The following PDCD10 variants were observed in gnomAD, a reference collection of about 807,000 sequenced individuals.
PDCD10 encodes programmed cell death protein 10.
A neutral mutation model predicts 29.2 loss-of-function variants in PDCD10; 4 were observed. The ratio of observed to expected loss-of-function variants is 0.14; its 90% CI spans 0.07 to 0.31. PDCD10 has a LOEUF of 0.31. PDCD10 is among the 10% of genes least tolerant of loss of function. The pLI is 1.00. For missense variants in PDCD10, 183 were observed against 257.9 expected, an observed-to-expected ratio of 0.71 and a Z score of 1.99; for synonymous variants, 70 against 82.2, an observed-to-expected ratio of 0.85 and a Z score of 0.80.
At chr3:167,691,919 G>C (rs1208051226) in intron 6 of PDCD10, among the ~76,000 whole-genome samples, 1 of 152,096 alleles carries the variant, frequency 6.6e-6, no homozygotes, top group Non-Finnish European at 1.5e-5. Context: ...GGGTTGTTGT[G>C]ATAAGTAAAT....
intron 3 of PDCD10, among the ~76,000 whole-genome samples, chr3:167,719,102 A>G (rs1177458092): frequency 4.6e-5 from 7 of 152,118 alleles, no homozygotes; most frequent in Non-Finnish European, 2.9e-5. Context: ...AAATCCAATA[A>G]TGTGGAAAAA....
chr3:167,719,007 A>C (rs941206607), intron 3 of PDCD10, among the ~76,000 whole-genome samples: 5 of 152,090 alleles, frequency 3.3e-5, no homozygotes, highest in African/African-American at 1.2e-4. Flanking sequence ...TTGGCAACTA[A>C]ATCTGTGGCT....
At chr3:167,718,505 G>C (rs1401089533) in intron 3 of PDCD10, among the ~76,000 whole-genome samples, 2 of 151,996 alleles carry the variant, frequency 1.3e-5, no homozygotes, top group African/African-American at 4.8e-5. Flanking sequence ...TTTAACAGGA[G>C]GTTTTTCAAA....
intron 4 of PDCD10, chr3:167,698,044 C>T (rs992339427): frequency 1.1e-5 from 5 of 455,052 alleles, no homozygotes; most frequent in African/African-American, 1.0e-4. Context: ...CTTTTTGTTT[C>T]CTTATGTGTC....
At chr3:167,713,494 A>G (rs962427481) in intron 3 of PDCD10, among the ~76,000 whole-genome samples, 1 of 151,820 alleles carries the variant, frequency 6.6e-6, no homozygotes, top group Non-Finnish European at 1.5e-5. Context: ...AATTCAAATA[A>G]CACACATCTT....
chr3:167,706,640 C>G (rs1722001756), intron 3 of PDCD10, among the ~76,000 whole-genome samples: 1 of 152,202 alleles, frequency 6.6e-6, no homozygotes, highest in African/African-American at 2.4e-5. Context: ...TATGGGACAA[C>G]CATCATATAT....
intron 2 of PDCD10, among the ~76,000 whole-genome samples, chr3:167,729,923 A>G (rs1052881034): frequency 3.9e-5 from 6 of 152,130 alleles, no homozygotes; most frequent in African/African-American, 1.4e-4. Context: ...TTTTAACCCT[A>G]TAGGCAACCT....
rs141502527 is a variant in PDCD10 at position 167,689,495 on chromosome 3, C to T, written c.396-1802G>A. ...TTCCGGGGCTAGTCATCAAAATGAG[C>T]GTATGTTTCATATACAATAACAGTG... On this transcript the variant is annotated intron_variant, in intron 6 of 8. Transcript: ENST00000392750. Among the ~76,000 whole-genome samples, 5 of 152,138 alleles carry T rather than the reference C, an allele frequency of 3.3e-5. No homozygotes were observed. The East Asian group carries it at 7.7e-4, about 24-fold the overall frequency.
chr3:167,692,714 C>A (rs903651255), intron 6 of PDCD10, among the ~76,000 whole-genome samples: 1 of 152,144 alleles, frequency 6.6e-6, no homozygotes, highest in South Asian at 2.1e-4. Flanking sequence ...GTCAAGAGAT[C>A]GAGACCATCC....
chr3:167,732,534 C>G (rs149164819), intron 2 of PDCD10, among the ~76,000 whole-genome samples: 258 of 151,114 alleles, frequency 1.7e-3, no homozygotes, highest in Middle Eastern at 3.4e-3. Flanking sequence ...CAGCATGTGA[C>G]TGAAAGATGA....
chr3:167,724,843 T>A (rs1723928601), intron 2 of PDCD10, among the ~76,000 whole-genome samples: 1 of 152,236 alleles, frequency 6.6e-6, no homozygotes, highest in South Asian at 2.1e-4. Flanking sequence ...TCTTTAAGCA[T>A]CAAATCATTA....
At chr3:167,714,387 C>T (rs1009214023) in intron 3 of PDCD10, among the ~76,000 whole-genome samples, 11 of 151,642 alleles carry the variant, frequency 7.3e-5, no homozygotes, top group South Asian at 2.1e-4. Flanking sequence ...ATGTGGTAAA[C>T]GACAAGGATG....
intron 8 of PDCD10, among the ~76,000 whole-genome samples, chr3:167,686,113 T>C (rs1185890679): frequency 6.6e-6 from 1 of 152,208 alleles, no homozygotes; most frequent in Non-Finnish European, 1.5e-5. Context: ...CTATTTACTT[T>C]TCTGACTTTA....
chr3:167,697,925 T>A, intron 4 of PDCD10: 1 of 456,698 alleles, frequency 2.2e-6, no homozygotes, highest in Non-Finnish European at 4.4e-6. Context: ...TTGTTTCCTG[T>A]AGGATGCCTG....
At chr3:167,687,975 A>G (rs1010324259) in intron 6 of PDCD10, among the ~76,000 whole-genome samples, 1 of 152,206 alleles carries the variant, frequency 6.6e-6, no homozygotes, top group African/African-American at 2.4e-5. Flanking sequence ...CATTTCATTA[A>G]GCGTTCCTTA....
chr3:167,701,733 A>G (rs1721461019), intron 4 of PDCD10, among the ~76,000 whole-genome samples: 1 of 152,222 alleles, frequency 6.6e-6, no homozygotes, highest in African/African-American at 2.4e-5. Context: ...GAATACCATG[A>G]AAGTCTGGAA....
chr3:167,705,081 T>G (rs1189461142), intron 3 of PDCD10, among the ~76,000 whole-genome samples, 186 bp from the exon 4 acceptor site: 3 of 152,176 alleles, frequency 2.0e-5, no homozygotes, highest in Non-Finnish European at 4.4e-5. Flanking sequence ...ATATATGTCC[T>G]TAATTTTTTA....
intron 8 of PDCD10, among the ~76,000 whole-genome samples, chr3:167,685,256 T>C (rs1719470933): frequency 6.6e-6 from 1 of 151,654 alleles, no homozygotes; most frequent in Admixed American, 6.6e-5. Flanking sequence ...CTACTAAAAA[T>C]ACAAAAATTA....
At position 167,734,718 on chromosome 3, in the gene PDCD10, G is replaced by A. The variant is rs1400165185; in HGVS notation, c.-310C>T. ...CTCCGCCTGCCAGAACCAAGCCCAAGTGCCTCAGCCATGGCCCCTGCGTGA... is the reference window on the plus strand; with the variant it reads ...CTCCGCCTGCCAGAACCAAGCCCAAATGCCTCAGCCATGGCCCCTGCGTGA... On this transcript the variant is annotated 5_prime_UTR_variant, in exon 1 of 9. Transcript: ENST00000392750. The A allele has an allele frequency of 6.5e-6, 1 of 154,632 alleles. No homozygotes were observed. The highest frequency in any genetic ancestry group is 1.4e-5 in the Non-Finnish European group (1 of 69,700). 9.6% of individuals were successfully genotyped at this position (154,632 alleles called of 1,614,324 possible). A position where few individuals can be genotyped will look rare whatever the true frequency, so the allele number is the denominator to read the frequency against.
Sources: gnomAD v4.1 joint callset for allele counts (sites outside exome capture counted in the v4.1 genomes callset) on GRCh38, gnomAD v4.1.1 for gene constraint, MANE v1.5 for transcripts, NCBI Gene and HGNC (gene_info 2026-07-23, HGNC 2026-07-21) for gene names.